C8B: variants seen among roughly 807,000 people sequenced by gnomAD.
C8B encodes complement component C8 beta chain.
A neutral mutation model predicts 64.6 loss-of-function variants in C8B; 67 were observed. The observed-to-expected ratio is 1.04, with a 90% CI of 0.85 to 1.27. The LOEUF (loss-of-function observed/expected upper bound fraction) is 1.27. Ranked by LOEUF, C8B falls within the 50% of genes most tolerant of loss-of-function variation. The pLI is 0.00. For missense variants in C8B, 790 were observed against 725.2 expected, an observed-to-expected ratio of 1.09 and a Z score of -1.03; for synonymous variants, 284 against 257.7, an observed-to-expected ratio of 1.10 and a Z score of -0.98.
chr1:56,957,354 G>A (rs1645118316), intron 2 of C8B, among the ~76,000 whole-genome samples: 1 of 152,102 alleles, frequency 6.6e-6, no homozygotes, highest in African/African-American at 2.4e-5. Context: ...ATTCCTGAAG[G>A]CATCAGTATA....
At chr1:56,931,730 C>T in intron 11 of C8B, 80 bp downstream of exon 11, 1 of 943,682 alleles carries the variant, frequency 1.1e-6, no homozygotes, top group Non-Finnish European at 1.7e-6. Context: ...TCCAGCCCCA[C>T]ACTCCACACC....
chr1:56,955,231 G>T (rs1231178572), intron 3 of C8B, among the ~76,000 whole-genome samples: 1 of 152,142 alleles, frequency 6.6e-6, no homozygotes, highest in Non-Finnish European at 1.5e-5. Context: ...AAGTTTAAAT[G>T]AATAAATAAA....
chr1:56,960,024 T>C lies in C8B; in HGVS notation c.245A>G (p.Lys82Arg). The stretch of plus-strand genomic sequence containing the variant: ...GTCCCAGGCCTGGTTGCTTACCCTT[T>C]TCTTCTGACAGGGGTCACATGTGGT... The part of the protein sequence containing the change: ...SWTTCDPCQK[K>R]RYRYAYLLQP... The change falls in exon 2 of 12, where the codon AAA (lysine) becomes AGA (arginine). Residue 82 changes from lysine (K) to arginine (R), a missense_variant. Physicochemically the swap from Lys to Arg is conservative, Grantham distance 26 (BLOSUM62 2). Transcript: ENST00000371237. 6.2e-7 allele frequency: 1 copy of C among 1,614,150 alleles called. No homozygotes were observed. Among genetic ancestry groups the C allele is most frequent in the Non-Finnish European group, 8.5e-7 (1 of 1,180,004 alleles).
In C8B at chr1:56,949,598, C is replaced by G; in HGVS notation, c.821G>C (p.Arg274Pro). Residue 274 changes from arginine to proline, a missense_variant, in exon 6 of 12, where the codon CGA becomes CCA. Transcript: ENST00000371237. ...FELGISSQSDRGKHYIRRTKR... is the reference protein window; with the variant it reads ...FELGISSQSDPGKHYIRRTKR... ...GGTTCTCCTAATATAGTGTTTGCCT[C>G]GATCACTTTGACTACTGATGCCAAG... 2 of 1,613,972 alleles carry G rather than the reference C, an allele frequency of 1.2e-6. No homozygotes were observed. Among genetic ancestry groups the G allele is most frequent in the African/African-American group, 1.3e-5 (1 of 75,016 alleles).
At position 56,954,485 on chromosome 1, in the gene C8B, T is replaced by A. The variant is rs547803914; in HGVS notation, c.533+201A>T. 1.9e-3 allele frequency among the ~76,000 whole-genome samples: 285 copies of A among 152,304 alleles called. 2 individuals carry two copies. The highest frequency in any genetic ancestry group is 3.5e-3 in the Non-Finnish European group (238 of 68,030). On this transcript the variant is annotated intron_variant, in intron 4 of 11. Coordinates refer to ENST00000371237, the MANE Select transcript of C8B (RefSeq NM_000066.4). ...GTTCCAAACCAGCCCTCCTGATGCC[T>A]ATATCTGTCCATGGGACGTGTTCCT... is the stretch of plus-strand genomic sequence containing the variant.
At position 56,952,150 on chromosome 1, in the gene C8B, G is replaced by A. The variant is rs1441891006; in HGVS notation, c.564C>T (p.Gly188=). The A allele has an allele frequency of 1.2e-6, 2 of 1,614,132 alleles. No homozygotes were observed. Among genetic ancestry groups the A allele is most frequent in the Middle Eastern group, 1.6e-4 (1 of 6,062 alleles). Residue 188 remains glycine, a synonymous_variant, in exon 5 of 12, where the codon GGC becomes GGT. Coordinates refer to ENST00000371237, the MANE Select transcript of C8B (RefSeq NM_000066.4). The stretch of plus-strand genomic sequence containing the variant: ...CATAATACCTGTGATCAAGAACTGG[G>A]CCCTCAAAACTGTTTGTGAACAAAT... ...GINLFTNSFE[G]PVLDHRYYAG...
intron 9 of C8B, among the ~76,000 whole-genome samples, chr1:56,935,444 A>T (rs1248015288): frequency 4.6e-5 from 7 of 152,034 alleles, no homozygotes. Flanking sequence ...ACACAGTTCT[A>T]ACCACTGACA....
At chr1:56,933,817 G>A (rs1644737731) in intron 9 of C8B, among the ~76,000 whole-genome samples, 2 of 152,186 alleles carry the variant, frequency 1.3e-5, no homozygotes, top group Non-Finnish European at 2.9e-5. Context: ...TTACCACATG[G>A]TGGATACAGG....
intron 11 of C8B, among the ~76,000 whole-genome samples, chr1:56,931,126 A>T (rs932051818): frequency 1.3e-5 from 2 of 152,224 alleles, no homozygotes; most frequent in Admixed American, 1.3e-4. Context: ...CAGTATCACC[A>T]AAAAGTCGCT....
At chr1:56,931,038 C>A (rs1033138970) in intron 11 of C8B, among the ~76,000 whole-genome samples, 92 of 151,990 alleles carry the variant, frequency 6.1e-4, no homozygotes, top group African/African-American at 2.1e-3. Context: ...TTTAAGCACT[C>A]AGCAAAGTGT....
intron 6 of C8B, among the ~76,000 whole-genome samples, chr1:56,947,953 A>AAACAAAACT (rs1644966868): frequency 6.0e-5 from 1 of 16,612 alleles, no homozygotes; most frequent in African/African-American, 3.6e-4. Flanking sequence ...AAACAAAACA[A>AAACAAAACT]AACAAACAAA....
intron 8 of C8B, among the ~76,000 whole-genome samples, chr1:56,943,276 G>A (rs189271994): frequency 9.2e-5 from 14 of 152,188 alleles, no homozygotes; most frequent in African/African-American, 2.9e-4. Flanking sequence ...ACACTTGTAC[G>A]TGCGTACCAG....
At position 56,949,564 on chromosome 1, in the gene C8B, G is replaced by A. The variant is rs1191839744; in HGVS notation, c.855C>T (p.Phe285=). The part of the protein sequence containing the change: ...GKHYIRRTKR[F]SHTKSVFLHA... ...ACAAAGACATACTTACAGTATGAGA[G>A]AATCGTTTGGTTCTCCTAATATAGT... Residue 285 remains phenylalanine, a synonymous_variant, in exon 6 of 12, where the codon TTC becomes TTT. Coordinates refer to ENST00000371237, the MANE Select transcript of C8B (RefSeq NM_000066.4). The A allele has an allele frequency of 3.1e-6, 5 of 1,613,148 alleles. No homozygotes were observed. Among genetic ancestry groups the A allele is most frequent in the Non-Finnish European group, 4.2e-6 (5 of 1,179,292 alleles).
chr1:56,933,368 G>T lies in C8B; in HGVS notation c.1519C>A (p.Pro507Thr). The T allele has an allele frequency of 1.2e-6, 2 of 1,613,766 alleles. No individual in the cohort carries two copies. The highest frequency in any genetic ancestry group is 1.7e-6 in the Non-Finnish European group (2 of 1,179,690). Residue 507 changes from proline (P) to threonine (T), a missense_variant, in exon 10 of 12, where the codon CCC (proline) becomes ACC (threonine). Coordinates refer to ENST00000371237, the MANE Select transcript of C8B (RefSeq NM_000066.4). Reference protein sequence around the residue: ...QKEVSSCHCAPCQGNGVPVLK... With the variant: ...QKEVSSCHCATCQGNGVPVLK... ...ACAGGGACTCCATTTCCTTGGCAGG[G>T]AGCACAGTGGCAGGAACTAACTTCC...
Position 56,933,359 on chromosome 1 carries a change from C to T in C8B, c.1528G>A (p.Gly510Arg). 6.2e-7 allele frequency: 1 copy of T among 1,613,960 alleles called. No homozygotes were observed. The highest frequency in any genetic ancestry group is 8.5e-7 in the Non-Finnish European group (1 of 1,179,844). The change falls in exon 10 of 12, where the codon GGA (glycine) becomes AGA (arginine). Residue 510 changes from glycine to arginine, a missense_variant. Physicochemically the swap from Gly to Arg is moderately radical, Grantham distance 125. Transcript: ENST00000371237. ...VSSCHCAPCQ[G>R]NGVPVLKGSR... is the part of the protein sequence containing the mutation. The stretch of plus-strand genomic sequence containing the variant: ...CCTTTCAGGACAGGGACTCCATTTC[C>T]TTGGCAGGGAGCACAGTGGCAGGAA...
chr1:56,932,725 C>G (rs374461931), intron 10 of C8B, among the ~76,000 whole-genome samples: 1 of 152,144 alleles, frequency 6.6e-6, no homozygotes, highest in Non-Finnish European at 1.5e-5. Context: ...TGAGAATACA[C>G]CTTCTTCTAT....
chr1:56,934,043 G>C (rs1486064270), intron 9 of C8B, among the ~76,000 whole-genome samples: 3 of 152,004 alleles, frequency 2.0e-5, no homozygotes, highest in Non-Finnish European at 4.4e-5. Flanking sequence ...AAAGCTCACA[G>C]AACAACTTCC....
intron 9 of C8B, among the ~76,000 whole-genome samples, chr1:56,939,122 T>G (rs936402719): frequency 7.9e-5 from 12 of 152,182 alleles, no homozygotes; most frequent in African/African-American, 2.9e-4. Context: ...ACCAGGGAAT[T>G]CATTTGGTTC....
chr1:56,931,551 C>T, intron 11 of C8B: 1 of 420,032 alleles, frequency 2.4e-6, no homozygotes, highest in South Asian at 2.1e-5. Context: ...CAGAATGATC[C>T]AAAGAGATGG....
Sources: allele counts gnomAD v4.1 joint callset (sites outside exome capture counted in the v4.1 genomes callset), GRCh38; gene constraint gnomAD v4.1.1; transcripts MANE v1.5; gene names NCBI Gene and HGNC (gene_info 2026-07-23, HGNC 2026-07-21).